COA1: variants seen among roughly 807,000 people sequenced by gnomAD.
The protein encoded by COA1 is cytochrome c oxidase assembly factor 1 homolog.
A neutral mutation model predicts 16.0 loss-of-function variants in COA1; 13 were observed. The observed-to-expected ratio is 0.81, with a 90% CI of 0.53 to 1.29. COA1 has a LOEUF of 1.29. COA1 is among the 50% of genes most tolerant of loss of function. The pLI is 0.00. For missense variants in COA1, 179 were observed against 177.0 expected (o/e 1.01, Z -0.06); for synonymous variants, 65 against 65.7 (o/e 0.99, Z 0.05).
intron 4 of COA1, among the ~76,000 whole-genome samples, chr7:43,644,710 T>TTAGACAGA (rs2088280043): frequency 1.8e-5 from 1 of 56,898 alleles, no homozygotes; most frequent in Non-Finnish European, 3.7e-5. Context: ...GATAGATAGA[T>TTAGACAGA]TAGATAGATA....
At chr7:43,680,814 C>T (rs1013156051) in intron 1 of COA1, among the ~76,000 whole-genome samples, 1 of 152,004 alleles carries the variant, frequency 6.6e-6, no homozygotes, top group South Asian at 2.1e-4. Flanking sequence ...ACAAAAAATA[C>T]AAAAGAATTA....
downstream of COA1, among the ~76,000 whole-genome samples, chr7:43,635,343 G>T (rs914994355): frequency 1.3e-5 from 2 of 152,116 alleles, no homozygotes; most frequent in African/African-American, 4.8e-5. Context: ...TAACAGCAGG[G>T]TGCACTAGGT....
intron 3 of COA1, 65 bp downstream of exon 3, chr7:43,647,470 T>C: frequency 9.4e-7 from 1 of 1,060,692 alleles, no homozygotes; most frequent in Non-Finnish European, 1.5e-6. Context: ...AAGTATTTCC[T>C]CTGATGGAGG....
intron 1 of COA1, among the ~76,000 whole-genome samples, chr7:43,666,042 C>A (rs1055649348): frequency 1.3e-5 from 2 of 152,174 alleles, no homozygotes; most frequent in Admixed American, 1.3e-4. Flanking sequence ...GATTCAAATG[C>A]TAATCTCTTC....
rs576479848 is a variant in COA1, at chr7:43,643,675, G to A, written c.264+1576C>T. The stretch of plus-strand genomic sequence containing the variant: ...TGGATGCCACGATGGCTTCACATCC[G>A]TCTTTTGCTTCTCCAGGCCACACCT... On this transcript the variant is annotated intron_variant, in intron 4 of 5. Coordinates refer to ENST00000223336, the MANE Select transcript of COA1 (RefSeq NM_018224.4). Among the ~76,000 whole-genome samples the A allele has an allele frequency of 7.2e-5, 11 of 152,310 alleles. No homozygotes were observed. In the East Asian group the frequency reaches 1.4e-3, roughly 19 times the overall value.
intron 1 of COA1, among the ~76,000 whole-genome samples, chr7:43,673,749 CCCA>C (rs1417550955): frequency 6.6e-6 from 1 of 152,156 alleles, no homozygotes; most frequent in African/African-American, 2.4e-5. Context: ...AACCTAAATG[CCCA>C]CCAATGGTGG....
chr7:43,681,484 G>A (rs1189781582), intron 1 of COA1, among the ~76,000 whole-genome samples: 2 of 152,106 alleles, frequency 1.3e-5, no homozygotes, highest in Non-Finnish European at 2.9e-5. Flanking sequence ...CATCTTTGGG[G>A]AAATGGTTCC....
chr7:43,686,301 G>C (rs1481250122), intron 1 of COA1, among the ~76,000 whole-genome samples: 1 of 127,608 alleles, frequency 7.8e-6, no homozygotes, highest in Admixed American at 8.2e-5. Context: ...TTCTGGCTTT[G>C]TTTCTTTTTT....
intron 1 of COA1, among the ~76,000 whole-genome samples, chr7:43,728,393 G>T (rs377188091): frequency 6.6e-6 from 1 of 152,102 alleles, no homozygotes; most frequent in Non-Finnish European, 1.5e-5. Flanking sequence ...TTTTAAAACA[G>T]TGCCTAGCAA....
chr7:43,628,896 T>C (rs1394881084), intron 6 of COA1, among the ~76,000 whole-genome samples: 3 of 152,242 alleles, frequency 2.0e-5, no homozygotes, highest in African/African-American at 7.2e-5. Flanking sequence ...TTTTGTTTTA[T>C]AGTTAATGCT....
intron 1 of COA1, among the ~76,000 whole-genome samples, chr7:43,688,048 T>C (rs2094119881): frequency 6.6e-6 from 1 of 152,220 alleles, no homozygotes; most frequent in Admixed American, 6.5e-5. Context: ...CTCATTTTTC[T>C]CTTGCCATCA....
chr7:43,691,072 A>AAAAAAAAAAAAAAAAAC (rs1563379693), intron 1 of COA1, among the ~76,000 whole-genome samples: 1 of 105,432 alleles, frequency 9.5e-6, no homozygotes, highest in African/African-American at 4.2e-5. Context: ...AAAAAAAAAA[A>AAAAAAAAAAAAAAAAAC]AAAAACAAAA....
rs141430575 is a variant in COA1, at chr7:43,644,759, T to TAGGC, written c.264+488_264+491dup. On this transcript the variant is annotated intron_variant, in intron 4 of 5. Transcript: ENST00000223336. ...ATAGATAGATAGATAGATAGATAGA[T>TAGGC]AGGCAGGCAGGCAGGCAGGCAGGCA... is the stretch of plus-strand genomic sequence containing the variant. Among the ~76,000 whole-genome samples, 120 of 114,682 alleles carry TAGGC rather than the reference T, an allele frequency of 1.0e-3. 2 individuals carry two copies. The highest frequency in any genetic ancestry group is 1.1e-3 in the South Asian group (4 of 3,626). 75.2% of individuals were successfully genotyped at this position (114,682 alleles called of 152,430 possible). A position where few individuals can be genotyped will look rare whatever the true frequency, so the allele number is the denominator to read the frequency against.
chr7:43,728,244 G>T (rs1296367642), intron 1 of COA1, among the ~76,000 whole-genome samples: 1 of 152,206 alleles, frequency 6.6e-6, no homozygotes, highest in Non-Finnish European at 1.5e-5. Context: ...AAAGTGCTGG[G>T]ATTACAGGCG....
At chr7:43,722,949 T>A (rs1489742518) in intron 1 of COA1, among the ~76,000 whole-genome samples, 1 of 152,152 alleles carries the variant, frequency 6.6e-6, no homozygotes, top group Non-Finnish European at 1.5e-5. Flanking sequence ...AGAGTCCAAA[T>A]GACAGAGACC....
intron 4 of COA1, among the ~76,000 whole-genome samples, chr7:43,644,000 A>C (rs986779912): frequency 1.3e-5 from 2 of 152,162 alleles, no homozygotes; most frequent in Non-Finnish European, 2.9e-5. Flanking sequence ...ACACCTTCCA[A>C]GATGACACTG....
At chr7:43,684,872 G>A (rs1198681525) in intron 1 of COA1, among the ~76,000 whole-genome samples, 1 of 152,148 alleles carries the variant, frequency 6.6e-6, no homozygotes. Flanking sequence ...GACAGACTGA[G>A]CTCTGAAGAA....
intron 1 of COA1, among the ~76,000 whole-genome samples, chr7:43,706,454 G>A (rs759505269): frequency 2.0e-4 from 31 of 152,092 alleles, no homozygotes; most frequent in Non-Finnish European, 4.1e-4. Flanking sequence ...AGGCTGAGGT[G>A]GGAGAATCAC....
intron 6 of COA1, chr7:43,623,680 A>G (rs763070066): frequency 1.2e-6 from 2 of 1,602,208 alleles, no homozygotes; most frequent in Non-Finnish European, 1.7e-6. Flanking sequence ...ATGGTACTAA[A>G]TTTTTCTTGC....
Sources: gnomAD v4.1 joint callset for allele counts (sites outside exome capture counted in the v4.1 genomes callset) on GRCh38, gnomAD v4.1.1 for gene constraint, MANE v1.5 for transcripts, NCBI Gene and HGNC (gene_info 2026-07-23, HGNC 2026-07-21) for gene names.